The following ZC2HC1A variants were observed in gnomAD, a reference collection of about 807,000 sequenced individuals.
ZC2HC1A encodes zinc finger C2HC-type containing 1A.
A neutral mutation model predicts 40.7 loss-of-function variants in ZC2HC1A; 28 were observed. The observed-to-expected ratio is 0.69, with a 90% confidence interval of 0.51 to 0.94. The LOEUF is 0.94. Among genes scored for constraint, ZC2HC1A ranks in the 40% least tolerant of loss-of-function variants. The pLI is 0.00. For missense variants in ZC2HC1A, 389 were observed against 386.3 expected (o/e 1.01, Z -0.06); for synonymous variants, 129 against 129.2 (o/e 1.00, Z 0.01).
At chr8:78,693,180 C>T (rs983825499) in intron 5 of ZC2HC1A, among the ~76,000 whole-genome samples, 15 of 152,090 alleles carry the variant, frequency 9.9e-5, no homozygotes, top group South Asian at 2.1e-4. Context: ...TGAATAGTGC[C>T]GCAATAAACA....
chr8:78,689,437 G>C, intron 5 of ZC2HC1A, 64 bp downstream of exon 5: 1 of 1,428,004 alleles, frequency 7.0e-7, no homozygotes, highest in Non-Finnish European at 9.3e-7. Flanking sequence ...ATAGATTATT[G>C]TTTATGCTTT....
chr8:78,708,483 G>T (rs1810851103), intron 7 of ZC2HC1A, among the ~76,000 whole-genome samples: 1 of 150,892 alleles, frequency 6.6e-6, no homozygotes. Context: ...TTTGAGACTT[G>T]CCTGGGCAAC....
At chr8:78,680,822 A>G (rs894359578) in intron 3 of ZC2HC1A, among the ~76,000 whole-genome samples, 2 of 152,148 alleles carry the variant, frequency 1.3e-5, no homozygotes, top group African/African-American at 4.8e-5. Flanking sequence ...GATTCCTTAA[A>G]GGTGAGAGAT....
At chr8:78,711,420 G>C (rs913738029) in intron 7 of ZC2HC1A, among the ~76,000 whole-genome samples, 4 of 151,794 alleles carry the variant, frequency 2.6e-5, no homozygotes, top group African/African-American at 9.7e-5. Context: ...GTGATTTTTA[G>C]AATTGTCATC....
chr8:78,701,484 AT>A (rs1810601712), intron 7 of ZC2HC1A, among the ~76,000 whole-genome samples: 1 of 152,110 alleles, frequency 6.6e-6, no homozygotes, highest in African/African-American at 2.4e-5. Flanking sequence ...ATGCCCCTTT[AT>A]TTCTTTCTCT....
chr8:78,708,769 C>T (rs1810865696), intron 7 of ZC2HC1A, among the ~76,000 whole-genome samples: 1 of 151,340 alleles, frequency 6.6e-6, no homozygotes. Flanking sequence ...TAACCTCCGC[C>T]TCCTGGATTC....
intron 4 of ZC2HC1A, among the ~76,000 whole-genome samples, chr8:78,688,289 G>A (rs549960510): frequency 1.3e-5 from 2 of 152,048 alleles, no homozygotes; most frequent in East Asian, 3.9e-4. Context: ...GAGAGTGAGA[G>A]GGTACCAGTT....
At chr8:78,700,033 A>G (rs1207415010) in intron 7 of ZC2HC1A, among the ~76,000 whole-genome samples, 1 of 152,176 alleles carries the variant, frequency 6.6e-6, no homozygotes, top group Non-Finnish European at 1.5e-5. Context: ...TCTTTGAGGA[A>G]TTGCCACACT....
At chr8:78,666,327 C>T (rs1809296015) in intron 1 of ZC2HC1A, among the ~76,000 whole-genome samples, 163 bp downstream of exon 1, 1 of 152,194 alleles carries the variant, frequency 6.6e-6, no homozygotes, top group African/African-American at 2.4e-5. Context: ...CCGGACAGTC[C>T]CCGATGCGGT....
chr8:78,691,197 A>C (rs183632765), intron 5 of ZC2HC1A, among the ~76,000 whole-genome samples: 1 of 152,310 alleles, frequency 6.6e-6, no homozygotes, highest in East Asian at 1.9e-4. Context: ...ATGATGTTCC[A>C]TCAATTACTG....
chr8:78,689,404 G>C, intron 5 of ZC2HC1A, 31 bp downstream of exon 5: 1 of 1,526,250 alleles, frequency 6.6e-7, no homozygotes, highest in Non-Finnish European at 8.8e-7. Context: ...TGCTATAAAC[G>C]AGAAAATGGC....
chr8:78,666,665 T>C (rs1308576704), intron 1 of ZC2HC1A, among the ~76,000 whole-genome samples: 2 of 152,202 alleles, frequency 1.3e-5, no homozygotes. Context: ...CGACAGCATC[T>C]TCTGTCGGAG....
At chr8:78,673,240 T>C (rs1402759499) in intron 1 of ZC2HC1A, among the ~76,000 whole-genome samples, 1 of 152,200 alleles carries the variant, frequency 6.6e-6, no homozygotes, top group Non-Finnish European at 1.5e-5. Flanking sequence ...GCAAAGGACA[T>C]GAACTCATTC....
intron 5 of ZC2HC1A, among the ~76,000 whole-genome samples, chr8:78,690,490 G>A (rs1441438477): frequency 6.6e-6 from 1 of 151,600 alleles, no homozygotes; most frequent in Non-Finnish European, 1.5e-5. Context: ...AACCTGGGAG[G>A]AGGAGCTTGC....
At chr8:78,666,216 C>T in intron 1 of ZC2HC1A, 52 bp downstream of exon 1, 2 of 1,557,804 alleles carry the variant, frequency 1.3e-6, no homozygotes, top group Non-Finnish European at 1.7e-6. Context: ...CCCGAAACAG[C>T]TGGGGACCCT....
chr8:78,692,682 A>G (rs1048062368), intron 5 of ZC2HC1A, among the ~76,000 whole-genome samples: 8 of 152,000 alleles, frequency 5.3e-5, no homozygotes, highest in Non-Finnish European at 1.0e-4. Flanking sequence ...TACCTGTAGG[A>G]TGGTTATATA....
chr8:78,682,319 A>G (rs1809813678), intron 3 of ZC2HC1A, among the ~76,000 whole-genome samples: 1 of 152,090 alleles, frequency 6.6e-6, no homozygotes, highest in Non-Finnish European at 1.5e-5. Context: ...CCATTTTCCT[A>G]CTGCTATTAA....
intron 7 of ZC2HC1A, among the ~76,000 whole-genome samples, chr8:78,707,920 G>A (rs1458742674): frequency 6.7e-6 from 1 of 150,138 alleles, no homozygotes; most frequent in African/African-American, 2.5e-5. Flanking sequence ...TAAGCTCCAT[G>A]ATGGCAAAGA....
chr8:78,670,620 G>A (rs1809415828), intron 1 of ZC2HC1A, among the ~76,000 whole-genome samples: 1 of 152,148 alleles, frequency 6.6e-6, no homozygotes, highest in African/African-American at 2.4e-5. Context: ...TTCAGACTGG[G>A]TAGGAAAGGA....
Sources: allele counts gnomAD v4.1 joint callset (sites outside exome capture counted in the v4.1 genomes callset), GRCh38; gene constraint gnomAD v4.1.1; transcripts MANE v1.5; gene names NCBI Gene and HGNC (gene_info 2026-07-23, HGNC 2026-07-21).